Variants in MAGI2 observed in about 807,000 individuals in gnomAD.
The protein encoded by MAGI2 is membrane-associated guanylate kinase, WW and PDZ domain-containing protein 2.
In MAGI2, 35 loss-of-function variants were observed where a neutral mutation model predicts 133.3. The observed-to-expected ratio is 0.26, with a 90% confidence interval of 0.20 to 0.35. MAGI2 has a LOEUF of 0.35. Among genes scored for constraint, MAGI2 ranks in the 10% least tolerant of loss-of-function variants. The probability of loss-of-function intolerance (pLI) is 1.00; values close to 1 mark genes in which losing one functional copy is unlikely to be tolerated. For synonymous variants in MAGI2, 729 were observed against 710.6 expected (o/e 1.03, Z -0.41); for missense variants, 1,636 against 1,863.4 (o/e 0.88, Z 2.25).
chr7:78,548,987 G>T (rs1276369362), intron 3 of MAGI2, among the ~76,000 whole-genome samples: 1 of 152,134 alleles, frequency 6.6e-6, no homozygotes, highest in Non-Finnish European at 1.5e-5. Context: ...CCATGGGTTT[G>T]TTAAACCTCA....
intron 6 of MAGI2, among the ~76,000 whole-genome samples, chr7:78,377,646 A>C (rs1268632651): frequency 1.3e-5 from 2 of 151,450 alleles, no homozygotes; most frequent in East Asian, 3.9e-4. Context: ...GCAAAAAATA[A>C]TAATAATAAT....
At chr7:78,789,985 AG>A (rs1404149082) in intron 2 of MAGI2, among the ~76,000 whole-genome samples, 1 of 152,224 alleles carries the variant, frequency 6.6e-6, no homozygotes, top group African/African-American at 2.4e-5. Flanking sequence ...AATATACTTA[AG>A]CATATAAGTT....
chr7:78,257,604 C>T (rs1454901048), intron 9 of MAGI2, among the ~76,000 whole-genome samples: 1 of 152,070 alleles, frequency 6.6e-6, no homozygotes, highest in Non-Finnish European at 1.5e-5. Context: ...GCTTAAAATG[C>T]AGAAAATCAT....
chr7:78,401,719 G>A (rs1796886054), intron 6 of MAGI2, among the ~76,000 whole-genome samples: 2 of 152,050 alleles, frequency 1.3e-5, no homozygotes, highest in Admixed American at 1.3e-4. Context: ...TACATCGACA[G>A]CTGTTAGTAA....
chr7:78,110,416 C>T (rs372425486), intron 20 of MAGI2, among the ~76,000 whole-genome samples: 4 of 152,144 alleles, frequency 2.6e-5, no homozygotes, highest in East Asian at 1.9e-4. Flanking sequence ...AACAACAACT[C>T]GTGACTGGTC....
chr7:79,446,056 T>A (rs1448295970), intron 1 of MAGI2, among the ~76,000 whole-genome samples: 2 of 152,172 alleles, frequency 1.3e-5, no homozygotes, highest in Non-Finnish European at 2.9e-5. Context: ...CTCAGCAAAT[T>A]ATCACAAGGA....
chr7:78,328,502 A>ACACACACACACACAC (rs368253994), intron 9 of MAGI2, among the ~76,000 whole-genome samples: 1 of 105,098 alleles, frequency 9.5e-6, no homozygotes, highest in African/African-American at 4.0e-5. Flanking sequence ...CCAGCTCTAA[A>ACACACACACACACAC]ACACACACAC....
intron 1 of MAGI2, among the ~76,000 whole-genome samples, chr7:79,248,596 C>T (rs374827948): frequency 1.1e-4 from 16 of 152,220 alleles, no homozygotes; most frequent in African/African-American, 3.4e-4. Context: ...GGATCATTCT[C>T]AAAGACAAAT....
In MAGI2 at chr7:78,655,454, CAAAAAAA is replaced by C; in HGVS notation, c.419-28222_419-28216del. Among the ~76,000 whole-genome samples the C allele has an allele frequency of 2.2e-4, 14 of 64,950 alleles. No homozygotes were observed. The South Asian group carries it at 6.6e-3, about 31-fold the overall frequency. The allele number at this position is 64,950 out of a possible 152,430, so 42.6% of individuals were successfully genotyped here. On this transcript the variant is annotated intron_variant, in intron 2 of 21. Transcript: ENST00000354212. The stretch of plus-strand genomic sequence containing the variant: ...CAAAAAACAAACAAAAAAAAACAAC[CAAAAAAA>C]AAAAAAAAAAAAAACCACCAGAAAA...
At chr7:78,980,602 T>C (rs1365901477) in intron 2 of MAGI2, among the ~76,000 whole-genome samples, 2 of 151,874 alleles carry the variant, frequency 1.3e-5, no homozygotes, top group Admixed American at 6.6e-5. Context: ...TTCCATCTTA[T>C]ATTTAAACAT....
At chr7:78,812,583 T>C (rs921030884) in intron 2 of MAGI2, among the ~76,000 whole-genome samples, 1 of 59,244 alleles carries the variant, frequency 1.7e-5, no homozygotes, top group Non-Finnish European at 3.3e-5. Flanking sequence ...CATATATGTA[T>C]GTATGTGTGT....
chr7:78,279,450 C>CAATGTT (rs1554320341), intron 9 of MAGI2, among the ~76,000 whole-genome samples: 1 of 151,120 alleles, frequency 6.6e-6, no homozygotes, highest in Non-Finnish European at 1.5e-5. Flanking sequence ...GTTTTAGACA[C>CAATGTT]AATTATTTAG....
chr7:78,388,215 C>T (rs1795577776), intron 6 of MAGI2, among the ~76,000 whole-genome samples: 1 of 152,032 alleles, frequency 6.6e-6, no homozygotes, highest in Non-Finnish European at 1.5e-5. Flanking sequence ...ATGCTTGGCA[C>T]TCAATAAAGA....
intron 1 of MAGI2, among the ~76,000 whole-genome samples, chr7:79,120,167 C>G (rs989641637): frequency 6.6e-6 from 1 of 152,050 alleles, no homozygotes; most frequent in Non-Finnish European, 1.5e-5. Context: ...ACAAAGTAGT[C>G]TGATTGCCTT....
intron 7 of MAGI2, among the ~76,000 whole-genome samples, chr7:78,355,705 A>T (rs1006693362): frequency 5.3e-5 from 8 of 152,364 alleles, no homozygotes; most frequent in African/African-American, 1.9e-4. Flanking sequence ...GTATGTACAG[A>T]CATGGGCTAT....
intron 14 of MAGI2, among the ~76,000 whole-genome samples, chr7:78,174,002 T>C (rs1826356223): frequency 6.6e-6 from 1 of 152,128 alleles, no homozygotes. Flanking sequence ...AAAAAAAACA[T>C]GCTATAGGGC....
At chr7:79,431,848 A>G (rs2092664567) in intron 1 of MAGI2, among the ~76,000 whole-genome samples, 1 of 152,222 alleles carries the variant, frequency 6.6e-6, no homozygotes, top group Non-Finnish European at 1.5e-5. Context: ...TGTTTTAGCA[A>G]TATAGCAAAG....
At chr7:78,914,789 A>G (rs1798664387) in intron 2 of MAGI2, among the ~76,000 whole-genome samples, 1 of 152,116 alleles carries the variant, frequency 6.6e-6, no homozygotes, top group African/African-American at 2.4e-5. Flanking sequence ...ATGGCAAAAA[A>G]TATTTTTTTA....
chr7:79,270,055 C>T (rs1182578601), intron 1 of MAGI2, among the ~76,000 whole-genome samples: 1 of 152,076 alleles, frequency 6.6e-6, no homozygotes, highest in East Asian at 1.9e-4. Context: ...TTTTGGCAAC[C>T]AACTGACCCC....
Sources: gnomAD v4.1 joint callset for allele counts (sites outside exome capture counted in the v4.1 genomes callset) on GRCh38, gnomAD v4.1.1 for gene constraint, MANE v1.5 for transcripts, NCBI Gene and HGNC (gene_info 2026-07-23, HGNC 2026-07-21) for gene names.